The following NCOA2 variants were observed in gnomAD, a reference collection of about 807,000 sequenced individuals.
NCOA2 encodes class E basic helix-loop-helix protein 75.
In NCOA2, 21 loss-of-function variants were observed where a neutral mutation model predicts 145.1. That is an observed-to-expected ratio of 0.14 (90% CI 0.10 to 0.21). NCOA2 has a LOEUF of 0.21. Among genes scored for constraint, NCOA2 ranks in the 10% least tolerant of loss-of-function variants. NCOA2 has a pLI of 1.00. For synonymous variants in NCOA2, 619 were observed against 637.5 expected (o/e 0.97, Z 0.44); for missense variants, 1,472 against 1,837.6 (o/e 0.80, Z 3.64).
At chr8:70,233,879 G>A (rs1158377891) in intron 2 of NCOA2, among the ~76,000 whole-genome samples, 1 of 151,936 alleles carries the variant, frequency 6.6e-6, no homozygotes, top group Non-Finnish European at 1.5e-5. Flanking sequence ...GTCACATGTC[G>A]TAAAATGCAG....
Position 70,113,516 on chromosome 8 carries a change from A to C in NCOA2, c.*116T>G, listed in dbSNP as rs1806733443. 1 of 1,246,182 alleles carries C rather than the reference A, an allele frequency of 8.0e-7. No homozygotes were observed. Among genetic ancestry groups the C allele is most frequent in the Non-Finnish European group, 1.1e-6 (1 of 873,660 alleles). The allele number at this position is 1,246,182 out of a possible 1,614,324, so 77.2% of individuals were successfully genotyped here. On this transcript the variant is annotated 3_prime_UTR_variant, in exon 23 of 23. Transcript: ENST00000452400. ...AACCAGGGCCAGGCCTGTCTGCTCT[A>C]GCAGAACCGGCTGGCAGGTCAGTTG...
chr8:70,206,931 A>AGCTTCTTTAATAATCAACAG (rs1422749037), intron 4 of NCOA2, among the ~76,000 whole-genome samples: 1 of 152,174 alleles, frequency 6.6e-6, no homozygotes, highest in Non-Finnish European at 1.5e-5. Context: ...AGCCTGTGCC[A>AGCTTCTTTAATAATCAACAG]GCTTCTTTAA....
chr8:70,163,817 A>C (rs971974835), intron 7 of NCOA2, among the ~76,000 whole-genome samples: 1 of 152,184 alleles, frequency 6.6e-6, no homozygotes, highest in African/African-American at 2.4e-5. Flanking sequence ...CCCGCGATAC[A>C]TGTGATGGAA....
Position 70,166,732 on chromosome 8 carries a change from G to T in NCOA2, c.564C>A (p.Gly188=), listed in dbSNP as rs574653995. 3 of 1,613,806 alleles carry T rather than the reference G, an allele frequency of 1.9e-6. No homozygotes were observed. The East Asian group carries it at 6.7e-5, about 36-fold the overall frequency. Residue 188 remains glycine (G), a synonymous_variant, in exon 7 of 23, where the codon GGC becomes GGA. Transcript: ENST00000452400. The stretch of plus-strand genomic sequence containing the variant: ...TATGGCTGTTCCGCCTCGGAGGTTC[G>T]CCAGACCAAGATCCCCCATTTACTG... ...KSIVNGGSWS[G]EPPRRNSHTF...
At chr8:70,140,520 G>A (rs1475787294) in intron 14 of NCOA2, among the ~76,000 whole-genome samples, 2 of 151,018 alleles carry the variant, frequency 1.3e-5, no homozygotes, top group Non-Finnish European at 2.9e-5. Flanking sequence ...GGTGGCCCAG[G>A]AATCTGCATT....
intron 4 of NCOA2, among the ~76,000 whole-genome samples, chr8:70,197,359 T>C (rs997285921): frequency 6.6e-6 from 1 of 152,252 alleles, no homozygotes; most frequent in Non-Finnish European, 1.5e-5. Flanking sequence ...ATCAGCTTTA[T>C]TACCTACTAA....
chr8:70,334,849 G>A (rs1807426873), intron 1 of NCOA2, among the ~76,000 whole-genome samples: 1 of 152,102 alleles, frequency 6.6e-6, no homozygotes, highest in African/African-American at 2.4e-5. Flanking sequence ...CCTTGGCTGG[G>A]CGCAGTGGCA....
At chr8:70,170,403 G>A (rs918996144) in intron 5 of NCOA2, 24 bp from the exon 6 acceptor site, 2 of 1,534,286 alleles carry the variant, frequency 1.3e-6, no homozygotes, top group African/African-American at 1.4e-5. Context: ...TACAAATTGT[G>A]TTAGAAAGGA....
At chr8:70,310,283 G>A (rs1828214677) in intron 1 of NCOA2, among the ~76,000 whole-genome samples, 1 of 147,352 alleles carries the variant, frequency 6.8e-6, no homozygotes, top group Admixed American at 6.9e-5. Flanking sequence ...GGCAGAGGTT[G>A]CAGTGAGCCA....
At chr8:70,453,890 A>T in the NCOA2 span, among the ~76,000 whole-genome samples, 9 of 152,364 alleles carry the variant, frequency 5.9e-5, no homozygotes, top group African/African-American at 2.2e-4. Flanking sequence ...GTCACAAAGC[A>T]ATATACTATT....
At chr8:70,449,489 C>T in the NCOA2 span, among the ~76,000 whole-genome samples, 1 of 152,178 alleles carries the variant, frequency 6.6e-6, no homozygotes. Flanking sequence ...AAACTGTCAC[C>T]CCTTGTAGGT....
At chr8:70,446,275 C>T in the NCOA2 span, among the ~76,000 whole-genome samples, 1 of 152,160 alleles carries the variant, frequency 6.6e-6, no homozygotes, top group African/African-American at 2.4e-5. Context: ...ACCACAACCC[C>T]TTTATCGGCT....
intron 2 of NCOA2, among the ~76,000 whole-genome samples, chr8:70,223,641 C>T (rs1315625994): frequency 6.6e-6 from 1 of 152,176 alleles, no homozygotes; most frequent in Non-Finnish European, 1.5e-5. Context: ...AGTGTTTCTA[C>T]ATTGGTTGGC....
intron 1 of NCOA2, among the ~76,000 whole-genome samples, chr8:70,323,973 C>T (rs1308464397): frequency 6.6e-6 from 1 of 152,128 alleles, no homozygotes; most frequent in Non-Finnish European, 1.5e-5. Flanking sequence ...CCAGGCCCAG[C>T]CCTTCCCCTA....
rs577882087 is a variant in NCOA2, at chr8:70,369,111, G to A, written c.-77+34589C>T. On this transcript the variant is annotated intron_variant, in intron 1 of 22. Coordinates refer to ENST00000452400, the MANE Select transcript of NCOA2 (RefSeq NM_006540.4). ...AGTATGCCTAAAATAATAAACTTGAGCAACATTTTAAATGCTATGTGATTT... is the reference window on the plus strand; with the variant it reads ...AGTATGCCTAAAATAATAAACTTGAACAACATTTTAAATGCTATGTGATTT... Among the ~76,000 whole-genome samples the A allele has an allele frequency of 2.7e-4, 41 of 152,180 alleles. No individual in the cohort carries two copies. In the East Asian group the frequency reaches 6.9e-3, roughly 26 times the overall value.
intron 1 of NCOA2, among the ~76,000 whole-genome samples, chr8:70,388,776 C>T (rs1362257114): frequency 6.6e-6 from 1 of 152,102 alleles, no homozygotes; most frequent in Non-Finnish European, 1.5e-5. Context: ...CACGCACACA[C>T]ACACACGCAG....
chr8:70,330,560 C>T lies in NCOA2; in HGVS notation c.-76-33760G>A, dbSNP rs1391724608. Among the ~76,000 whole-genome samples, 8 of 148,008 alleles carry T rather than the reference C, an allele frequency of 5.4e-5. No individual in the cohort carries two copies. The East Asian group carries it at 1.6e-3, about 29-fold the overall frequency. ...CACTCCAGCCTGAGTGACACAGACACCATGTCTCAAAAAAAAAAAAAACCC... is the reference window on the plus strand; with the variant it reads ...CACTCCAGCCTGAGTGACACAGACATCATGTCTCAAAAAAAAAAAAAACCC... On this transcript the variant is annotated intron_variant, in intron 1 of 22. Coordinates refer to ENST00000452400, the MANE Select transcript of NCOA2 (RefSeq NM_006540.4).
chr8:70,229,454 T>C (rs2134187986), intron 2 of NCOA2, among the ~76,000 whole-genome samples: 1 of 152,312 alleles, frequency 6.6e-6, no homozygotes, highest in East Asian at 1.9e-4. Flanking sequence ...ATGGGTATAA[T>C]TTTCCAAAGT....
chr8:70,264,423 A>C (rs1824394768), intron 2 of NCOA2, among the ~76,000 whole-genome samples: 1 of 152,008 alleles, frequency 6.6e-6, no homozygotes, highest in African/African-American at 2.4e-5. Context: ...TGATCCCAGG[A>C]GTTAGAGGCT....
Sources: allele counts gnomAD v4.1 joint callset (sites outside exome capture counted in the v4.1 genomes callset), GRCh38; gene constraint gnomAD v4.1.1; transcripts MANE v1.5; gene names NCBI Gene and HGNC (gene_info 2026-07-23, HGNC 2026-07-21).